Variants in QKI observed in about 807,000 individuals in gnomAD.
The protein encoded by QKI is KH domain-containing RNA-binding protein QKI.
Under a neutral mutation model 39.0 loss-of-function variants are expected in QKI, and 10 were observed. That is an observed-to-expected ratio of 0.26 (90% confidence interval 0.16 to 0.43). The LOEUF is 0.43. QKI is among the 20% of genes least tolerant of loss of function. The probability of loss-of-function intolerance (pLI) is 1.00; values close to 1 mark genes in which losing one functional copy is unlikely to be tolerated. For synonymous variants in QKI, 204 were observed against 155.4 expected, an observed-to-expected ratio of 1.31 and a Z score of -2.33; for missense variants, 218 against 428.0, an observed-to-expected ratio of 0.51 and a Z score of 4.33.
At chr6:163,564,819 C>CT (rs1450627542) in intron 6 of QKI, 9 of 1,586,936 alleles carry the variant, frequency 5.7e-6, no homozygotes, top group African/African-American at 2.7e-5. Context: ...AATTTGAATA[C>CT]TTTTTTTCCT....
At chr6:163,547,786 A>G (rs951024859) in intron 4 of QKI, among the ~76,000 whole-genome samples, 1 of 151,844 alleles carries the variant, frequency 6.6e-6, no homozygotes, top group African/African-American at 2.4e-5. Context: ...CTCCATCTCC[A>G]CAGATGGAGT....
intron 4 of QKI, among the ~76,000 whole-genome samples, chr6:163,539,249 G>A (rs1781374360): frequency 6.6e-6 from 1 of 152,156 alleles, no homozygotes; most frequent in Admixed American, 6.5e-5. Context: ...TTTTAGGTAG[G>A]AAGAGGAAAT....
At chr6:163,524,584 T>G (rs549040371) in intron 3 of QKI, among the ~76,000 whole-genome samples, 1 of 152,264 alleles carries the variant, frequency 6.6e-6, no homozygotes, top group Non-Finnish European at 1.5e-5. Flanking sequence ...TTCTCCTGCC[T>G]CAGCCTCCCT....
chr6:163,420,154 C>CTTTTTTTTTTTTTT (rs35131240), intron 1 of QKI, among the ~76,000 whole-genome samples: 1 of 60,828 alleles, frequency 1.6e-5, no homozygotes, highest in Admixed American at 1.5e-4. Flanking sequence ...CTTTTCTTTT[C>CTTTTTTTTTTTTTT]TTTTTTTTTT....
At chr6:163,527,732 C>T (rs1444704626) in intron 3 of QKI, among the ~76,000 whole-genome samples, 2 of 152,114 alleles carry the variant, frequency 1.3e-5, no homozygotes, top group African/African-American at 4.8e-5. Context: ...TGTAGTTTTA[C>T]ATCACTGTAT....
rs562413644 is a variant in QKI, at chr6:163,552,429, C to T, written c.547-9553C>T. On this transcript the variant is annotated intron_variant, in intron 4 of 7. Coordinates refer to ENST00000361752, the MANE Select transcript of QKI (RefSeq NM_006775.3). ...GTTTCACCGTGTTAGCCAGGATGGT[C>T]TCGATCTCCTGACCTCATGATCTAC... is the stretch of plus-strand genomic sequence containing the variant. 2.9e-4 allele frequency among the ~76,000 whole-genome samples: 44 copies of T among 152,158 alleles called. No homozygotes were observed. The South Asian group carries it at 9.1e-3, about 32-fold the overall frequency.
intron 1 of QKI, among the ~76,000 whole-genome samples, chr6:163,448,656 G>A (rs1323382200): frequency 1.3e-5 from 2 of 152,146 alleles, no homozygotes; most frequent in African/African-American, 4.8e-5. Context: ...AGAATCGCTT[G>A]AACCCAGGAG....
At chr6:163,557,243 T>G (rs1182799912) in intron 4 of QKI, among the ~76,000 whole-genome samples, 1 of 152,098 alleles carries the variant, frequency 6.6e-6, no homozygotes, top group African/African-American at 2.4e-5. Flanking sequence ...TATCCGAAAA[T>G]CTAGTCTAGG....
At chr6:163,500,090 G>A (rs1310200854) in intron 3 of QKI, among the ~76,000 whole-genome samples, 2 of 152,122 alleles carry the variant, frequency 1.3e-5, no homozygotes, top group Admixed American at 6.5e-5. Flanking sequence ...TGAATGTGAT[G>A]GGACTGTCCA....
In QKI at chr6:163,448,761, A is replaced by G. The variant is rs1005453741; in HGVS notation, c.143-6518A>G. 1.5e-4 allele frequency among the ~76,000 whole-genome samples: 23 copies of G among 151,872 alleles called. No homozygotes were observed. In the East Asian group the frequency reaches 4.5e-3, roughly 29 times the overall value. On this transcript the variant is annotated intron_variant, in intron 1 of 7. Transcript: ENST00000361752. ...TCAAAAATAAATAAGTAAATAAATA[A>G]TACTCTAGTAACTTGCTTTTTAATC...
chr6:163,487,679 T>G (rs1429561996), intron 3 of QKI, among the ~76,000 whole-genome samples: 3 of 152,254 alleles, frequency 2.0e-5, no homozygotes, highest in African/African-American at 4.8e-5. Context: ...CTTGGTGGTG[T>G]TTAACATTTA....
At chr6:163,528,672 C>T (rs1404602940) in intron 3 of QKI, among the ~76,000 whole-genome samples, 1 of 152,038 alleles carries the variant, frequency 6.6e-6, no homozygotes, top group South Asian at 2.1e-4. Context: ...TTTATCTCAC[C>T]ATAGTATACT....
In QKI at chr6:163,478,839, A is replaced by C; in HGVS notation, c.345A>C (p.Ala115=). The change falls in exon 3 of 8, where the codon GCA becomes GCC. Residue 115 remains alanine (A), a synonymous_variant. Transcript: ENST00000361752. The part of the protein sequence containing the change: ...PRGLTAKQLE[A]ETGCKIMVRG... ...GACTTACAGCCAAACAACTTGAAGCAGAAACCGGATGTAAAATCATGGTCC... is the reference window on the plus strand; with the variant it reads ...GACTTACAGCCAAACAACTTGAAGCCGAAACCGGATGTAAAATCATGGTCC... 6.2e-7 allele frequency: 1 copy of C among 1,613,974 alleles called. No individual in the cohort carries two copies. Among genetic ancestry groups the C allele is most frequent in the South Asian group, 1.1e-5 (1 of 91,072 alleles).
chr6:163,479,513 A>G (rs1792900681), intron 3 of QKI, among the ~76,000 whole-genome samples: 1 of 151,238 alleles, frequency 6.6e-6, no homozygotes, highest in South Asian at 2.1e-4. Context: ...CTGGGATTAC[A>G]GGCGCACGCC....
chr6:163,563,059 A>G (rs1783129314), intron 5 of QKI, among the ~76,000 whole-genome samples: 1 of 152,194 alleles, frequency 6.6e-6, no homozygotes. Context: ...TCCGGTTACA[A>G]ATTATTTTTT....
At chr6:163,484,007 A>G (rs1054193415) in intron 3 of QKI, among the ~76,000 whole-genome samples, 1 of 152,226 alleles carries the variant, frequency 6.6e-6, no homozygotes, top group African/African-American at 2.4e-5. Flanking sequence ...AACAACATTC[A>G]TCTCCTTGTA....
At chr6:163,523,199 C>T (rs1333284595) in intron 3 of QKI, among the ~76,000 whole-genome samples, 4 of 152,084 alleles carry the variant, frequency 2.6e-5, no homozygotes, top group African/African-American at 9.7e-5. Context: ...TTTAATTTCA[C>T]AGAAGGCAGG....
At chr6:163,570,186 T>C in intron 7 of QKI, 2 of 984,996 alleles carry the variant, frequency 2.0e-6, no homozygotes, top group Non-Finnish European at 2.4e-6. Flanking sequence ...AAATGGTTCA[T>C]AGAATTTTGA....
At chr6:163,522,792 C>T (rs1435657320) in intron 3 of QKI, among the ~76,000 whole-genome samples, 1 of 152,138 alleles carries the variant, frequency 6.6e-6, no homozygotes, top group Admixed American at 6.6e-5. Context: ...GGTCATTATT[C>T]TACACAGTTG....
Sources: allele counts gnomAD v4.1 joint callset (sites outside exome capture counted in the v4.1 genomes callset), GRCh38; gene constraint gnomAD v4.1.1; transcripts MANE v1.5; gene names NCBI Gene and HGNC (gene_info 2026-07-23, HGNC 2026-07-21).